TEK: variants seen among roughly 807,000 people sequenced by gnomAD.
TEK encodes angiopoietin-1 receptor.
Under a neutral mutation model 131.8 loss-of-function variants are expected in TEK, and 43 were observed. The observed-to-expected ratio is 0.33, with a 90% confidence interval of 0.26 to 0.42. The LOEUF (loss-of-function observed/expected upper bound fraction) is 0.42, where lower values mean the gene tolerates loss of function less well. Ranked by LOEUF, TEK falls within the 10% of genes least tolerant of loss-of-function variation. TEK has a pLI of 1.00. For missense variants in TEK, 1,162 were observed against 1,384.4 expected, an observed-to-expected ratio of 0.84 and a Z score of 2.55; for synonymous variants, 580 against 491.6, an observed-to-expected ratio of 1.18 and a Z score of -2.38.
chr9:27,178,506 G>A (rs1379294764), intron 6 of TEK, among the ~76,000 whole-genome samples: 1 of 152,014 alleles, frequency 6.6e-6, no homozygotes, highest in Non-Finnish European at 1.5e-5. Flanking sequence ...AAATACCATT[G>A]CAATTTTGAT....
At chr9:27,114,979 G>A (rs73440263) in intron 1 of TEK, among the ~76,000 whole-genome samples, 3,181 of 152,206 alleles carry the variant, frequency 0.021, 101 homozygotes, top group African/African-American at 0.062. Context: ...GCCATGTACT[G>A]TCCTGGAAAC....
intron 6 of TEK, among the ~76,000 whole-genome samples, chr9:27,175,143 C>G (rs1824116538): frequency 8.9e-6 from 1 of 112,422 alleles, no homozygotes; most frequent in Non-Finnish European, 1.8e-5. Context: ...CCCCCTCCCC[C>G]CACCCCACAA....
intron 16 of TEK, chr9:27,210,387 CA>C: frequency 5.7e-6 from 1 of 176,074 alleles, no homozygotes; most frequent in Non-Finnish European, 1.2e-5. Context: ...TGACACAGTA[CA>C]AAAGGGCAAG....
At chr9:27,225,167 A>G (rs1826264209) in intron 21 of TEK, among the ~76,000 whole-genome samples, 1 of 152,232 alleles carries the variant, frequency 6.6e-6, no homozygotes, top group Admixed American at 6.5e-5. Flanking sequence ...AATATTGTGA[A>G]AATGGCCACA....
chr9:27,224,069 C>T (rs937365766), intron 21 of TEK, among the ~76,000 whole-genome samples: 5 of 152,092 alleles, frequency 3.3e-5, no homozygotes, highest in Non-Finnish European at 5.9e-5. Flanking sequence ...AGGAAGAAGT[C>T]GAATCCCAGT....
intron 13 of TEK, 63 bp from the exon 14 acceptor site, chr9:27,204,848 C>T (rs749543350): frequency 3.2e-5 from 51 of 1,593,754 alleles, no homozygotes; most frequent in East Asian, 1.1e-4. Context: ...CTCCCACATA[C>T]GGTGTGGGTC....
intron 1 of TEK, among the ~76,000 whole-genome samples, chr9:27,137,822 C>G (rs1166108900): frequency 6.6e-6 from 1 of 151,922 alleles, no homozygotes; most frequent in Non-Finnish European, 1.5e-5. Flanking sequence ...CTCTGCCTTT[C>G]CTGGTTGTAT....
intron 1 of TEK, among the ~76,000 whole-genome samples, chr9:27,135,215 CT>C (rs34646855): frequency 0.37 from 52,588 of 141,448 alleles, 10,334 homozygotes; most frequent in Non-Finnish European, 0.45. Flanking sequence ...CAGAGTGAGA[CT>C]TTTTTTTTTT....
chr9:27,180,204 G>A (rs781764670), intron 6 of TEK, 36 bp from the exon 7 acceptor site: 62 of 1,612,808 alleles, frequency 3.8e-5, no homozygotes, highest in Admixed American at 1.2e-4. Flanking sequence ...CTCTTCCCCT[G>A]GATTAATACT....
At chr9:27,215,137 C>T (rs1825770953) in intron 18 of TEK, among the ~76,000 whole-genome samples, 1 of 152,184 alleles carries the variant, frequency 6.6e-6, no homozygotes, top group African/African-American at 2.4e-5. Context: ...GGATGCTCTC[C>T]TCAGCCTCCC....
intron 13 of TEK, among the ~76,000 whole-genome samples, chr9:27,204,336 A>T (rs1318028091): frequency 6.6e-6 from 1 of 152,190 alleles, no homozygotes; most frequent in Non-Finnish European, 1.5e-5. Flanking sequence ...TTAATAGTTT[A>T]TTTTGACCTG....
chr9:27,185,149 C>T lies in TEK; in HGVS notation c.1183-336C>T, dbSNP rs75221330. On this transcript the variant is annotated intron_variant, in intron 8 of 22. Transcript: ENST00000380036. ...CTTAGGAAGTCACTTTGTCCTCCCA[C>T]GCAGCCATCTCTGTGTTAGATAGGA... is the stretch of plus-strand genomic sequence containing the variant. Among the ~76,000 whole-genome samples, 714 of 152,180 alleles carry T rather than the reference C, an allele frequency of 4.7e-3. 7 individuals carry two copies. Among genetic ancestry groups the T allele is most frequent in the African/African-American group, 0.016 (683 of 41,532 alleles).
rs79749137 is a variant in TEK at position 27,147,365 on chromosome 9, T to G, written c.53-10466T>G. ...GATATTAAACATCTTTTGTGCTTAT[T>G]TGCCATCTATACATTTTCTCTGGTG... On this transcript the variant is annotated intron_variant, in intron 1 of 22. Coordinates refer to ENST00000380036, the MANE Select transcript of TEK (RefSeq NM_000459.5). Among the ~76,000 whole-genome samples, 823 of 152,308 alleles carry G rather than the reference T, an allele frequency of 5.4e-3. 6 individuals are homozygous for G. The highest frequency in any genetic ancestry group is 0.019 in the African/African-American group (775 of 41,560).
chr9:27,181,133 G>A (rs1824355546), intron 7 of TEK, among the ~76,000 whole-genome samples: 1 of 152,206 alleles, frequency 6.6e-6, no homozygotes, highest in South Asian at 2.1e-4. Flanking sequence ...CCTTCTCGCA[G>A]TAGAAAATCT....
chr9:27,216,559 G>A (rs1344190607), intron 18 of TEK, among the ~76,000 whole-genome samples: 4 of 152,106 alleles, frequency 2.6e-5, no homozygotes, highest in Non-Finnish European at 5.9e-5. Context: ...TGTGGATGTG[G>A]AGGAGAACAA....
intron 6 of TEK, among the ~76,000 whole-genome samples, chr9:27,177,479 G>A (rs1485689721): frequency 2.0e-5 from 3 of 152,208 alleles, no homozygotes; most frequent in Non-Finnish European, 4.4e-5. Context: ...GGCTGGGCAC[G>A]ATGGCTCATG....
intron 4 of TEK, among the ~76,000 whole-genome samples, chr9:27,172,220 G>C (rs1273492696): frequency 6.6e-6 from 1 of 152,150 alleles, no homozygotes; most frequent in East Asian, 1.9e-4. Context: ...GAAAACCACA[G>C]CTCCAGCCTG....
intron 1 of TEK, among the ~76,000 whole-genome samples, chr9:27,139,741 T>TA (rs1464532092): frequency 1.3e-5 from 2 of 152,110 alleles, no homozygotes; most frequent in African/African-American, 4.8e-5. Flanking sequence ...GAGAGTATTG[T>TA]ATGGAAAATT....
intron 2 of TEK, among the ~76,000 whole-genome samples, chr9:27,167,126 A>C (rs1177771595): frequency 6.6e-6 from 1 of 152,244 alleles, no homozygotes; most frequent in African/African-American, 2.4e-5. Flanking sequence ...AGAAAGTTAG[A>C]AGATTTTATT....
Sources: gnomAD v4.1 joint callset for allele counts (sites outside exome capture counted in the v4.1 genomes callset) on GRCh38, gnomAD v4.1.1 for gene constraint, MANE v1.5 for transcripts, NCBI Gene and HGNC (gene_info 2026-07-23, HGNC 2026-07-21) for gene names.